The following ZSCAN25 variants were observed in gnomAD, a reference collection of about 807,000 sequenced individuals.
ZSCAN25 encodes zinc finger and SCAN domain containing 25, also known as zinc finger and SCAN domain-containing protein 25.
In ZSCAN25, 27 loss-of-function variants were observed where a neutral mutation model predicts 38.7. The observed-to-expected ratio is 0.70, with a 90% CI of 0.51 to 0.96. ZSCAN25 has a LOEUF of 0.96. Ranked by LOEUF, ZSCAN25 falls within the 40% of genes least tolerant of loss-of-function variation. ZSCAN25 has a pLI of 0.00. For missense variants in ZSCAN25, 637 were observed against 705.9 expected (o/e 0.90, Z 1.11); for synonymous variants, 273 against 277.7 (o/e 0.98, Z 0.17).
chr7:99,622,355 C>T, intron 5 of ZSCAN25, 194 bp from the exon 6 acceptor site: 1 of 624,628 alleles, frequency 1.6e-6, no homozygotes. Flanking sequence ...ACCCAGGCCC[C>T]AGCTGAGAAT....
intron 7 of ZSCAN25, among the ~76,000 whole-genome samples, chr7:99,625,013 G>A (rs922621856): frequency 6.6e-6 from 1 of 152,004 alleles, no homozygotes. Flanking sequence ...CATCTGTACC[G>A]ACCCCACCTA....
the ZSCAN25 span, chr7:99,705,358 C>T: frequency 6.9e-5 from 64 of 926,754 alleles, no homozygotes; most frequent in Non-Finnish European, 6.4e-5. Flanking sequence ...GCACAATGCA[C>T]GTACAGAATC....
the ZSCAN25 span, chr7:99,660,415 T>C: frequency 1.4e-4 from 204 of 1,493,836 alleles, no homozygotes; most frequent in African/African-American, 2.6e-3. Context: ...ATGCTTTTTA[T>C]AAAAATTCTC....
At chr7:99,666,849 A>G in the ZSCAN25 span, 1 of 1,582,570 alleles carries the variant, frequency 6.3e-7, no homozygotes, top group Non-Finnish European at 8.6e-7. Flanking sequence ...AGGAAGCTCG[A>G]ACTCAGTGGA....
the ZSCAN25 span, chr7:99,715,297 T>C: frequency 5.3e-6 from 1 of 187,328 alleles, no homozygotes. Context: ...TTGTAATGTC[T>C]AAATTTAGAG....
the ZSCAN25 span, chr7:99,663,864 C>T: frequency 6.9e-7 from 1 of 1,443,620 alleles, no homozygotes; most frequent in Non-Finnish European, 9.1e-7. Flanking sequence ...AACATAAGTT[C>T]TCTGTCTTTA....
chr7:99,717,327 T>C, the ZSCAN25 span: 3 of 1,612,536 alleles, frequency 1.9e-6, no homozygotes, highest in Non-Finnish European at 2.5e-6. Flanking sequence ...CAGAAGGACA[T>C]GACTTTGCCT....
intron 7 of ZSCAN25, among the ~76,000 whole-genome samples, chr7:99,626,190 G>A (rs1364138056): frequency 6.6e-6 from 1 of 152,240 alleles, no homozygotes; most frequent in Non-Finnish European, 1.5e-5. Context: ...GAGGCAAAAA[G>A]TAGCAGGTGC....
At chr7:99,702,389 C>T in the ZSCAN25 span, among the ~76,000 whole-genome samples, 1 of 152,150 alleles carries the variant, frequency 6.6e-6, no homozygotes, top group Non-Finnish European at 1.5e-5. Context: ...CCGTGTTTGG[C>T]CAGATTTCAG....
the ZSCAN25 span, among the ~76,000 whole-genome samples, chr7:99,735,407 G>A: frequency 3.3e-3 from 496 of 152,162 alleles, 2 homozygotes; most frequent in Non-Finnish European, 4.3e-3. Flanking sequence ...ATGTTACTGG[G>A]GAGTCCAAGG....
At chr7:99,640,355 A>G in the ZSCAN25 span, among the ~76,000 whole-genome samples, 1 of 152,068 alleles carries the variant, frequency 6.6e-6, no homozygotes, top group Non-Finnish European at 1.5e-5. Flanking sequence ...ACGGGGTTTC[A>G]CCATGTTGGT....
chr7:99,648,451 G>T, the ZSCAN25 span: 2 of 1,168,778 alleles, frequency 1.7e-6, no homozygotes, highest in Admixed American at 2.2e-5. Context: ...AGTGAAAGAA[G>T]AAAAGATGGA....
the ZSCAN25 span, among the ~76,000 whole-genome samples, chr7:99,726,511 A>T: frequency 1.3e-5 from 2 of 152,086 alleles, no homozygotes; most frequent in Non-Finnish European, 2.9e-5. Context: ...TCCATTCTTG[A>T]TCTTAAAGAT....
chr7:99,620,113 C>G, intron 4 of ZSCAN25, 120 bp downstream of exon 4: 1 of 1,378,100 alleles, frequency 7.3e-7, no homozygotes, highest in Non-Finnish European at 9.5e-7. Context: ...CCTCTGCCCT[C>G]AGACTCCCTG....
chr7:99,703,690 A>G, the ZSCAN25 span, among the ~76,000 whole-genome samples: 2 of 152,154 alleles, frequency 1.3e-5, no homozygotes, highest in Admixed American at 1.3e-4. Context: ...GGCTTCTATC[A>G]TCCTTAATAT....
the ZSCAN25 span, among the ~76,000 whole-genome samples, chr7:99,675,767 C>A: frequency 7.0e-6 from 1 of 142,826 alleles, no homozygotes; most frequent in South Asian, 2.4e-4. Context: ...GATCACAGCT[C>A]AATACAGCCT....
Position 99,631,892 on chromosome 7 carries a change from CT to C in ZSCAN25, c.*1879del, listed in dbSNP as rs1584375959. On this transcript the variant is annotated 3_prime_UTR_variant, in exon 8 of 8. Transcript: ENST00000394152. The stretch of plus-strand genomic sequence containing the variant: ...TACTGAGGTCCACATGCAAAATCAG[CT>C]TTTTTTCCCCCGTAATTATCAGAGC... 9.1e-6 allele frequency: 9 copies of C among 985,460 alleles called. No individual in the cohort carries two copies. In the South Asian group the frequency reaches 3.3e-4, roughly 36 times the overall value. 61.0% of individuals were successfully genotyped at this position (985,460 alleles called of 1,614,324 possible).
the ZSCAN25 span, among the ~76,000 whole-genome samples, chr7:99,737,845 G>A: frequency 6.6e-6 from 1 of 152,148 alleles, no homozygotes; most frequent in East Asian, 1.9e-4. Flanking sequence ...GTTCTGCAAA[G>A]GAAAATAATT....
chr7:99,633,920 C>G (rs1283944586), downstream of ZSCAN25, among the ~76,000 whole-genome samples: 1 of 152,188 alleles, frequency 6.6e-6, no homozygotes, highest in African/African-American at 2.4e-5. Context: ...GGCAAATGTT[C>G]CGTATTTCCT....
Sources: gnomAD v4.1 joint callset for allele counts (sites outside exome capture counted in the v4.1 genomes callset) on GRCh38, gnomAD v4.1.1 for gene constraint, MANE v1.5 for transcripts, NCBI Gene and HGNC (gene_info 2026-07-23, HGNC 2026-07-21) for gene names.